Variants in NID1 observed in about 807,000 individuals in gnomAD.
The protein encoded by NID1 is nidogen 1.
NID1 carries 76 observed loss-of-function variants against 130.6 expected under a neutral mutation model. The observed-to-expected ratio is 0.58, with a 90% CI of 0.48 to 0.70. NID1 has a LOEUF of 0.70. NID1 is among the 30% of genes least tolerant of loss of function. The pLI is 0.00. For missense variants in NID1, 1,517 were observed against 1,664.8 expected, an observed-to-expected ratio of 0.91 and a Z score of 1.54; for synonymous variants, 665 against 675.1, an observed-to-expected ratio of 0.98 and a Z score of 0.23.
chr1:236,056,324 G>C lies in NID1; in HGVS notation c.226-7335C>G, dbSNP rs999745739. On this transcript the variant is annotated intron_variant, in intron 1 of 19. Transcript: ENST00000264187. ...TTCACTGTCTTTTTGTGTTCGTGAA[G>C]ACCCACTTTATTATTTTATTTGTAT... Among the ~76,000 whole-genome samples, 60 of 152,098 alleles carry C rather than the reference G, an allele frequency of 3.9e-4. 1 individual carries two copies. Among genetic ancestry groups the C allele is most frequent in the Admixed American group, 2.7e-3 (41 of 15,284 alleles).
chr1:236,050,069 C>T (rs1055634794), intron 1 of NID1, among the ~76,000 whole-genome samples: 2 of 150,808 alleles, frequency 1.3e-5, no homozygotes, highest in Non-Finnish European at 3.0e-5. Flanking sequence ...CTAAGTACTA[C>T]TAATATCTAT....
In NID1 at chr1:235,976,751, A is replaced by AAACC. The variant is rs1402826238; in HGVS notation, c.*1115_*1116insGGTT. 31 of 152,310 alleles carry AAACC rather than the reference A, an allele frequency of 2.0e-4. No homozygotes were observed. Among genetic ancestry groups the AAACC allele is most frequent in the African/African-American group, 7.5e-4 (31 of 41,574 alleles). 9.4% of individuals were successfully genotyped at this position (152,310 alleles called of 1,614,324 possible). A position where few individuals can be genotyped will look rare whatever the true frequency, so the allele number is the denominator to read the frequency against. ...ATATGAACCATTAGTATAAATATTCAATTCAGTCTTTCCGGATTGTGTTGT... is the reference window on the plus strand; with the variant it reads ...ATATGAACCATTAGTATAAATATTCAAACCATTCAGTCTTTCCGGATTGTGTTGT... On this transcript the variant is annotated 3_prime_UTR_variant, in exon 20 of 20. Transcript: ENST00000264187.
chr1:236,011,623 T>C (rs1658425223), intron 12 of NID1, among the ~76,000 whole-genome samples: 1 of 152,218 alleles, frequency 6.6e-6, no homozygotes, highest in Non-Finnish European at 1.5e-5. Context: ...AAGAATGCTC[T>C]ACATTGCAGT....
intron 2 of NID1, among the ~76,000 whole-genome samples, chr1:236,048,177 CA>C (rs1276018913): frequency 1.4e-5 from 2 of 147,792 alleles, no homozygotes; most frequent in Non-Finnish European, 3.0e-5. Flanking sequence ...ACTAAAAATA[CA>C]AAAAAAACCA....
At chr1:236,031,105 CTTTTCTTTTTTTCTTT>C (rs751026919) in intron 6 of NID1, among the ~76,000 whole-genome samples, 4 of 151,840 alleles carry the variant, frequency 2.6e-5, no homozygotes, top group Admixed American at 6.6e-5. Flanking sequence ...AGGTTCAATC[CTTTTCTTTTTTTCTTT>C]TTTTCTTTTT....
At position 235,980,675 on chromosome 1, in the gene NID1, A is replaced by G. The variant is rs747675819; in HGVS notation, c.3228-22T>C. ...GTTCCTGGAGGAGGAAAAAGGGGGGAAAGAGGAAAAGAAATAATAAGGATG... is the reference window on the plus strand; with the variant it reads ...GTTCCTGGAGGAGGAAAAAGGGGGGGAAGAGGAAAAGAAATAATAAGGATG... On this transcript the variant is annotated intron_variant, in intron 16 of 19. Coordinates refer to ENST00000264187, the MANE Select transcript of NID1 (RefSeq NM_002508.3). 17 of 1,607,868 alleles carry G rather than the reference A, an allele frequency of 1.1e-5. 1 individual carries two copies. The South Asian group carries it at 1.9e-4, about 18-fold the overall frequency.
Position 236,032,620 on chromosome 1 carries a change from C to G in NID1, c.1318G>C (p.Gly440Arg). Reference sequence around the variant, plus strand: ...TGGCTGCTCCCCACAAAGATCCTTCCTTTCACCTTGCCATTGACTCGCTGG... The same window carrying G: ...TGGCTGCTCCCCACAAAGATCCTTCGTTTCACCTTGCCATTGACTCGCTGG... ...SPQRVNGKVK[G>R]RIFVGSSQVP... The change falls in exon 6 of 20, where the codon GGA becomes CGA. Residue 440 changes from glycine (G) to arginine (R), a missense_variant. Coordinates refer to ENST00000264187, the MANE Select transcript of NID1 (RefSeq NM_002508.3). 7 of 1,614,148 alleles carry G rather than the reference C, an allele frequency of 4.3e-6. No homozygotes were observed. The highest frequency in any genetic ancestry group is 5.9e-6 in the Non-Finnish European group (7 of 1,180,034).
intron 14 of NID1, among the ~76,000 whole-genome samples, chr1:235,988,912 G>T (rs1572578774): frequency 6.6e-6 from 1 of 152,080 alleles, no homozygotes; most frequent in East Asian, 1.9e-4. Context: ...TTCAGTTTGG[G>T]ATGATGAAAA....
In NID1 at chr1:236,017,213, T is replaced by A; in HGVS notation, c.2189A>T (p.His730Leu). The stretch of plus-strand genomic sequence containing the variant: ...ACACTCGCAGCGGAAGGTTCCTGGG[T>A]GATTATTGCAGATTGTGTGGCTCCC... ...VCGSHTICNN[H>L]PGTFRCECVE... Residue 730 changes from histidine (H) to leucine (L), a missense_variant, in exon 10 of 20, where the codon CAC becomes CTC. This residue lies in a region of NID1 where 1,329 missense variants were observed against 1,429.2 expected (regional missense o/e 0.93). Transcript: ENST00000264187. 4 of 1,614,090 alleles carry A rather than the reference T, an allele frequency of 2.5e-6. No homozygotes were observed. Among genetic ancestry groups the A allele is most frequent in the Non-Finnish European group, 3.4e-6 (4 of 1,180,008 alleles).
Position 236,029,649 on chromosome 1 carries a change from T to C in NID1, c.1639A>G (p.Thr547Ala). Residue 547 changes from threonine to alanine, a missense_variant, in exon 7 of 20, where the codon ACC (threonine) becomes GCC (alanine). Physicochemically the swap from Thr to Ala is moderately conservative, Grantham distance 58. Transcript: ENST00000264187. ...FSGIDEHGHL[T>A]IDTELEGRVP... ...CGGCCCTCCAGCTCCGTGTCGATGG[T>C]CAGGTGCCCATGCTCATCGATGCCG... is the stretch of plus-strand genomic sequence containing the variant. 6.2e-7 allele frequency: 1 copy of C among 1,613,530 alleles called. No individual in the cohort carries two copies. The highest frequency in any genetic ancestry group is 2.2e-5 in the East Asian group (1 of 44,876).
intron 12 of NID1, among the ~76,000 whole-genome samples, chr1:235,996,737 C>G (rs2102804094): frequency 6.6e-6 from 1 of 152,288 alleles, no homozygotes; most frequent in Admixed American, 6.5e-5. Context: ...GCCACCAAGC[C>G]TGGCCACTTC....
chr1:236,033,594 T>C (rs2102832639), intron 5 of NID1, among the ~76,000 whole-genome samples: 1 of 152,312 alleles, frequency 6.6e-6, no homozygotes, highest in African/African-American at 2.4e-5. Context: ...CTGGTGCTGC[T>C]TGTTCCATTT....
At chr1:235,991,692 A>C (rs1425432137) in intron 13 of NID1, among the ~76,000 whole-genome samples, 1 of 152,166 alleles carries the variant, frequency 6.6e-6, no homozygotes, top group African/African-American at 2.4e-5. Context: ...CACTGGTGCT[A>C]GAGGAAGGAA....
Position 236,013,444 on chromosome 1 carries a change from G to A in NID1, c.2371C>T (p.Pro791Ser). Reference protein sequence around the residue: ...GGSSYTCSCLPGFSGDGQACQ... With the variant: ...GGSSYTCSCLSGFSGDGQACQ... ...GCTTGGCCATCCCCAGAAAAGCCTG[G>A]CAAGCAGGAACAGGTGTAGGAGGAG... The change falls in exon 11 of 20, where the codon CCA (proline) becomes TCA (serine). Residue 791 changes from proline (P) to serine (S), a missense_variant. Pro to Ser is a moderately conservative substitution (Grantham distance 74, BLOSUM62 -1). This residue lies in a region of NID1 where 1,329 missense variants were observed against 1,429.2 expected (regional missense o/e 0.93). Coordinates refer to ENST00000264187, the MANE Select transcript of NID1 (RefSeq NM_002508.3). 1 of 1,614,084 alleles carries A rather than the reference G, an allele frequency of 6.2e-7. No individual in the cohort carries two copies. Among genetic ancestry groups the A allele is most frequent in the Non-Finnish European group, 8.5e-7 (1 of 1,180,018 alleles).
At chr1:236,011,313 T>TC (rs1331110745) in intron 12 of NID1, among the ~76,000 whole-genome samples, 1 of 150,064 alleles carries the variant, frequency 6.7e-6, no homozygotes, top group Non-Finnish European at 1.5e-5. Context: ...TTTCTTTTTT[T>TC]TTTTTTTTTG....
intron 15 of NID1, among the ~76,000 whole-genome samples, chr1:235,982,999 C>T (rs1192664023): frequency 2.6e-5 from 4 of 152,110 alleles, no homozygotes; most frequent in African/African-American, 4.8e-5. Flanking sequence ...CTCAGCCTCC[C>T]GAGTAGCTGG....
rs189837646 is a variant in NID1, at chr1:235,988,133, G to A, written c.2929-2628C>T. 5.9e-5 allele frequency among the ~76,000 whole-genome samples: 9 copies of A among 152,262 alleles called. No homozygotes were observed. The East Asian group carries it at 1.3e-3, about 23-fold the overall frequency. On this transcript the variant is annotated intron_variant, in intron 14 of 19. Transcript: ENST00000264187. ...CCCATGGAATGGGAGAAAATATTGC[G>A]AATCATGTATCTTTTAAAGAGTTAA...
chr1:236,064,723 G>A, intron 1 of NID1, 132 bp downstream of exon 1: 1 of 736,050 alleles, frequency 1.4e-6, no homozygotes, highest in South Asian at 1.8e-5. Flanking sequence ...GAGACCCTGC[G>A]CCGTGCCCGG....
At chr1:236,046,699 A>G (rs1659612431) in intron 2 of NID1, among the ~76,000 whole-genome samples, 1 of 152,126 alleles carries the variant, frequency 6.6e-6, no homozygotes, top group Non-Finnish European at 1.5e-5. Context: ...GATTAGGCCC[A>G]AGAGGCAAGC....
Sources: gnomAD v4.1 joint callset for allele counts (sites outside exome capture counted in the v4.1 genomes callset) on GRCh38, gnomAD v4.1.1 for gene constraint, gnomAD v4.1.1 regional missense constraint, MANE v1.5 for transcripts, NCBI Gene and HGNC (gene_info 2026-07-23, HGNC 2026-07-21) for gene names.